CDKAL1: variants seen among roughly 807,000 people sequenced by gnomAD.
CDKAL1 encodes the protein CDKAL1 threonylcarbamoyladenosine tRNA methylthiotransferase, also known as threonylcarbamoyladenosine tRNA methylthiotransferase.
In CDKAL1, 32 loss-of-function variants were observed where a neutral mutation model predicts 68.2. That is an observed-to-expected ratio of 0.47 (90% CI 0.35 to 0.63). The LOEUF is 0.63. Ranked by LOEUF, CDKAL1 falls within the 30% of genes least tolerant of loss-of-function variation. CDKAL1 has a pLI of 0.00. For synonymous variants in CDKAL1, 234 were observed against 244.3 expected, an observed-to-expected ratio of 0.96 and a Z score of 0.39; for missense variants, 606 against 696.7, an observed-to-expected ratio of 0.87 and a Z score of 1.47.
chr6:20,769,649 T>C (rs992993062), intron 7 of CDKAL1, among the ~76,000 whole-genome samples: 1 of 152,202 alleles, frequency 6.6e-6, no homozygotes, highest in African/African-American at 2.4e-5. Flanking sequence ...CTTCTAGTGT[T>C]TGAAAGTTTT....
chr6:21,154,438 C>T (rs1181409262), intron 13 of CDKAL1, among the ~76,000 whole-genome samples: 1 of 152,168 alleles, frequency 6.6e-6, no homozygotes, highest in East Asian at 1.9e-4. Flanking sequence ...CAATGTTTAA[C>T]TCCATATGTC....
chr6:20,756,880 CTT>C (rs1561750253), intron 6 of CDKAL1: 99 of 80,506 alleles, frequency 1.2e-3, no homozygotes, highest in Middle Eastern at 5.7e-3. Flanking sequence ...TCCTTCCTTC[CTT>C]CCTTCCTTCC....
chr6:20,870,609 A>G (rs754943160), intron 9 of CDKAL1, among the ~76,000 whole-genome samples: 1 of 152,050 alleles, frequency 6.6e-6, no homozygotes, highest in Non-Finnish European at 1.5e-5. Context: ...TTTTCCCCTC[A>G]TACATTCAGT....
chr6:20,545,364 A>G (rs1384311965), intron 2 of CDKAL1, among the ~76,000 whole-genome samples: 1 of 152,108 alleles, frequency 6.6e-6, no homozygotes, highest in Admixed American at 6.5e-5. Context: ...GAAAAGTCGT[A>G]TAGGATAATG....
At chr6:20,968,160 T>C (rs1220971041) in intron 10 of CDKAL1, among the ~76,000 whole-genome samples, 2 of 151,372 alleles carry the variant, frequency 1.3e-5, no homozygotes, top group Non-Finnish European at 2.9e-5. Context: ...CTGGGTTTTT[T>C]TTTTTGTTTT....
chr6:20,568,195 T>A (rs1457829677), intron 4 of CDKAL1, among the ~76,000 whole-genome samples: 1 of 151,946 alleles, frequency 6.6e-6, no homozygotes, highest in Non-Finnish European at 1.5e-5. Flanking sequence ...ATTTTTAAAT[T>A]TTTTGTAGAG....
intron 13 of CDKAL1, among the ~76,000 whole-genome samples, chr6:21,122,560 A>G (rs1343139632): frequency 1.3e-5 from 2 of 152,084 alleles, no homozygotes; most frequent in East Asian, 3.8e-4. Context: ...TCCATATTGC[A>G]TAGGCCTCTC....
intron 11 of CDKAL1, among the ~76,000 whole-genome samples, chr6:21,013,324 C>G (rs551847288): frequency 1.3e-5 from 2 of 151,856 alleles, no homozygotes; most frequent in African/African-American, 4.8e-5. Context: ...TTTTTTCTTT[C>G]TCTTCTCTTT....
intron 4 of CDKAL1, among the ~76,000 whole-genome samples, chr6:20,634,257 G>A (rs1767799239): frequency 6.6e-6 from 1 of 152,180 alleles, no homozygotes; most frequent in Non-Finnish European, 1.5e-5. Context: ...GAATAAGGAA[G>A]GAGATTTTTG....
chr6:21,093,708 T>A (rs61599946), intron 12 of CDKAL1, among the ~76,000 whole-genome samples: 1,080 of 16,694 alleles, frequency 0.065, 5 homozygotes, highest in East Asian at 0.21. Context: ...TTTTTTTTTT[T>A]TTTTTTTTTT....
At chr6:21,226,207 CTGT>C (rs1779734913) in intron 15 of CDKAL1, among the ~76,000 whole-genome samples, 2 of 152,006 alleles carry the variant, frequency 1.3e-5, no homozygotes, top group Admixed American at 6.6e-5. Context: ...TAGAGATAGA[CTGT>C]TGTTATCATC....
intron 9 of CDKAL1, among the ~76,000 whole-genome samples, chr6:20,931,065 A>G (rs1217050848): frequency 6.6e-6 from 1 of 152,184 alleles, no homozygotes; most frequent in African/African-American, 2.4e-5. Flanking sequence ...CTCATAGACC[A>G]GGAAACCTAA....
chr6:21,103,278 T>C (rs1386387612), intron 12 of CDKAL1, among the ~76,000 whole-genome samples: 1 of 152,230 alleles, frequency 6.6e-6, no homozygotes, highest in East Asian at 1.9e-4. Flanking sequence ...CAAGCTGTTA[T>C]TACATGCGGG....
chr6:20,981,537 A>G (rs1237481371), intron 10 of CDKAL1, among the ~76,000 whole-genome samples: 2 of 152,162 alleles, frequency 1.3e-5, no homozygotes, highest in Non-Finnish European at 2.9e-5. Context: ...TCATCTAAAC[A>G]TTATATAGAA....
Position 20,770,749 on chromosome 6 carries a change from A to T in CDKAL1, c.518-10396A>T, listed in dbSNP as rs190815554. 3.6e-3 allele frequency among the ~76,000 whole-genome samples: 555 copies of T among 152,316 alleles called. 2 individuals are homozygous for T. Among genetic ancestry groups the T allele is most frequent in the Admixed American group, 7.9e-3 (121 of 15,296 alleles). On this transcript the variant is annotated intron_variant, in intron 7 of 15. Coordinates refer to ENST00000274695, the MANE Select transcript of CDKAL1 (RefSeq NM_017774.3). ...AGTCTTAATAAATCTTTTAAGTGAA[A>T]TCCAGTTAAAGTGATAGGCTTTTAA...
At chr6:20,821,281 T>A (rs1777268504) in intron 8 of CDKAL1, among the ~76,000 whole-genome samples, 1 of 152,058 alleles carries the variant, frequency 6.6e-6, no homozygotes. Context: ...GAAGTCCGAA[T>A]GGAAGAAGAG....
intron 12 of CDKAL1, among the ~76,000 whole-genome samples, chr6:21,089,157 G>A (rs1014765978): frequency 6.6e-6 from 1 of 152,108 alleles, no homozygotes; most frequent in African/African-American, 2.4e-5. Flanking sequence ...TGAGATGAAT[G>A]TTTTTTAATT....
chr6:20,983,510 C>T (rs1419176035), intron 10 of CDKAL1, among the ~76,000 whole-genome samples: 1 of 152,186 alleles, frequency 6.6e-6, no homozygotes, highest in Non-Finnish European at 1.5e-5. Context: ...GACCTGAGGT[C>T]AGGAGTTGGA....
chr6:20,559,000 C>A (rs1180491620), intron 4 of CDKAL1: 1 of 153,314 alleles, frequency 6.5e-6, no homozygotes, highest in African/African-American at 2.4e-5. Flanking sequence ...GATGATTTTT[C>A]TGATCTCTAC....
Sources: gnomAD v4.1 joint callset for allele counts (sites outside exome capture counted in the v4.1 genomes callset) on GRCh38, gnomAD v4.1.1 for gene constraint, MANE v1.5 for transcripts, NCBI Gene and HGNC (gene_info 2026-07-23, HGNC 2026-07-21) for gene names.